ZNF850: variants seen among roughly 807,000 people sequenced by gnomAD.
The protein encoded by ZNF850 is putative zinc finger protein ENSP00000330994.
In ZNF850, 2 loss-of-function variants were observed where a neutral mutation model predicts 11.9. That is an observed-to-expected ratio of 0.17 (90% CI 0.07 to 0.53). ZNF850 has a LOEUF of 0.53. ZNF850 is among the 20% of genes least tolerant of loss of function. The probability of loss-of-function intolerance (pLI) is 0.94; values close to 1 mark genes in which losing one functional copy is unlikely to be tolerated. For missense variants in ZNF850, 1,014 were observed against 1,316.4 expected (o/e 0.77, Z 3.55); for synonymous variants, 381 against 443.0 (o/e 0.86, Z 1.76).
At chr19:36,770,839 A>G (rs756319839) in intron 1 of ZNF850, among the ~76,000 whole-genome samples, 8 of 151,048 alleles carry the variant, frequency 5.3e-5, no homozygotes, top group Non-Finnish European at 8.8e-5. Flanking sequence ...CCGTATGAGT[A>G]TTTAATTCAA....
Position 36,746,555 on chromosome 19 carries a change from G to A in ZNF850, c.*1212C>T, listed in dbSNP as rs2040412497. 6.6e-6 allele frequency: 1 copy of A among 152,006 alleles called. No homozygotes were observed. The highest frequency in any genetic ancestry group is 2.1e-4 in the South Asian group (1 of 4,828). 9.4% of individuals were successfully genotyped at this position (152,006 alleles called of 1,614,324 possible). ...AGTAGAGATGGGGTTTCAACATGTT[G>A]GCCAGGCTGGTCTTGAACTCTTAAC... is the stretch of plus-strand genomic sequence containing the variant. On this transcript the variant is annotated 3_prime_UTR_variant, in exon 5 of 5. Coordinates refer to ENST00000591344, the MANE Select transcript of ZNF850 (RefSeq NM_001193552.2).
rs564632647 is a variant in ZNF850, at chr19:36,748,218, G to A, written c.2822C>T (p.Thr941Ile). The A allele has an allele frequency of 1.3e-6, 2 of 1,552,538 alleles. No individual in the cohort carries two copies. Among genetic ancestry groups the A allele is most frequent in the South Asian group, 1.2e-5 (1 of 84,788 alleles). ...GKAFVRFSGL[T>I]KHHSIHTGEK... is the part of the protein sequence containing the mutation. ...GCCAGTGTGAATACTGTGATGTTTG[G>A]TGAGTCCTGAGAAACGGACAAAGGC... The change falls in exon 5 of 5, where the codon ACC (threonine) becomes ATC (isoleucine). Residue 941 changes from threonine (T) to isoleucine (I), a missense_variant. This residue lies in a region of ZNF850 where 179 missense variants were observed against 294.4 expected (regional missense o/e 0.61). Coordinates refer to ENST00000591344, the MANE Select transcript of ZNF850 (RefSeq NM_001193552.2).
rs73037135 is a variant in ZNF850, at chr19:36,754,563, T to C, written c.236-3759A>G. Among the ~76,000 whole-genome samples the C allele has an allele frequency of 2.6e-3, 402 of 152,218 alleles. 4 individuals are homozygous for C. The highest frequency in any genetic ancestry group is 5.0e-3 in the Non-Finnish European group (342 of 68,002). Reference sequence around the variant, plus strand: ...ATTGTGGGAGATTTCTTTTTTTTAGTTATTTTTTTTGAGATGGAGTCTCAC... The same window carrying C: ...ATTGTGGGAGATTTCTTTTTTTTAGCTATTTTTTTTGAGATGGAGTCTCAC... On this transcript the variant is annotated intron_variant, in intron 4 of 4. Coordinates refer to ENST00000591344, the MANE Select transcript of ZNF850 (RefSeq NM_001193552.2).
rs1245340911 is a variant in ZNF850 at position 36,744,806 on chromosome 19, C to G, written c.*2961G>C. ...TTCCATAAATTGAGACAAACCTCAA[C>G]TGACTACAAATTGAGACAAAAGAAT... On this transcript the variant is annotated 3_prime_UTR_variant, in exon 5 of 5. Transcript: ENST00000591344. The G allele has an allele frequency of 6.6e-6, 1 of 152,114 alleles. No homozygotes were observed. The highest frequency in any genetic ancestry group is 2.1e-4 in the South Asian group (1 of 4,834). 9.4% of individuals were successfully genotyped at this position (152,114 alleles called of 1,614,324 possible).
At chr19:36,768,773 G>A (rs1449434644) in intron 1 of ZNF850, among the ~76,000 whole-genome samples, 2 of 151,510 alleles carry the variant, frequency 1.3e-5, no homozygotes, top group African/African-American at 4.9e-5. Context: ...GACCAGACTG[G>A]GCAACATGGC....
Position 36,763,408 on chromosome 19 carries a change from G to A in ZNF850, c.-69-733C>T, listed in dbSNP as rs1163883015. Among the ~76,000 whole-genome samples the A allele has an allele frequency of 2.0e-5, 3 of 151,978 alleles. No individual in the cohort carries two copies. The East Asian group carries it at 5.9e-4, about 30-fold the overall frequency. Reference sequence around the variant, plus strand: ...AAAAATACAAAATTAGCTGGGGGTGGTGGCGCATGCCTGTAATCCCAGCTA... The same window carrying A: ...AAAAATACAAAATTAGCTGGGGGTGATGGCGCATGCCTGTAATCCCAGCTA... On this transcript the variant is annotated intron_variant, in intron 1 of 4. Transcript: ENST00000591344.
At chr19:36,761,252 C>T (rs2040516235) in intron 4 of ZNF850, among the ~76,000 whole-genome samples, 2 of 151,820 alleles carry the variant, frequency 1.3e-5, no homozygotes, top group Admixed American at 1.3e-4. Context: ...CCAGCCTAGC[C>T]CACATGGTAA....
Position 36,748,139 on chromosome 19 carries a change from G to A in ZNF850, c.2901C>T (p.His967=), listed in dbSNP as rs1465091801. 2.6e-6 allele frequency: 4 copies of A among 1,542,750 alleles called. No homozygotes were observed. In the African/African-American group the frequency reaches 5.7e-5, roughly 22 times the overall value. ...TCGKSFRQRT[H]LTLHQRIHTG... ...TATGAATTCTCTGATGTAGAGTAAGGTGTGTACGCTGTCTGAAGGACTTCC... is the reference window on the plus strand; with the variant it reads ...TATGAATTCTCTGATGTAGAGTAAGATGTGTACGCTGTCTGAAGGACTTCC... Residue 967 remains histidine, a synonymous_variant, in exon 5 of 5, where the codon CAC becomes CAT. Transcript: ENST00000591344.
chr19:36,761,417 C>G (rs754798099), intron 4 of ZNF850, among the ~76,000 whole-genome samples: 1 of 151,724 alleles, frequency 6.6e-6, no homozygotes, highest in Non-Finnish European at 1.5e-5. Flanking sequence ...CCAGCCTGGG[C>G]GACAGAGCGA....
At chr19:36,757,605 C>T (rs2040494619) in intron 4 of ZNF850, among the ~76,000 whole-genome samples, 1 of 146,496 alleles carries the variant, frequency 6.8e-6, no homozygotes, top group Admixed American at 7.0e-5. Flanking sequence ...CTCCTGGGTT[C>T]AAGCGATTCT....
intron 1 of ZNF850, among the ~76,000 whole-genome samples, chr19:36,767,108 G>T (rs187189507): frequency 2.1e-4 from 32 of 152,072 alleles, no homozygotes; most frequent in African/African-American, 7.7e-4. Flanking sequence ...GTGGTGGCAG[G>T]TGCCTGTAAT....
At chr19:36,769,732 A>G (rs1353319545) in intron 1 of ZNF850, among the ~76,000 whole-genome samples, 1 of 152,230 alleles carries the variant, frequency 6.6e-6, no homozygotes, top group Non-Finnish European at 1.5e-5. Context: ...CAAAACCACA[A>G]CAATCAAACC....
rs1345259454 is a variant in ZNF850 at position 36,747,960 on chromosome 19, T to C, written c.3080A>G (p.His1027Arg). 1.3e-6 allele frequency: 2 copies of C among 1,577,618 alleles called. No individual in the cohort carries two copies. ...TTTCTCACCAGTATGGATTCGTTTATGTTGACTAAGTTGTGAAGGACATCT... is the reference window on the plus strand; with the variant it reads ...TTTCTCACCAGTATGGATTCGTTTACGTTGACTAAGTTGTGAAGGACATCT... ...AFRCPSQLSQ[H>R]KRIHTGEKTY... Residue 1027 changes from histidine (H) to arginine (R), a missense_variant, in exon 5 of 5, where the codon CAT becomes CGT. Physicochemically the swap from His to Arg is conservative, Grantham distance 29. Around this residue, in one of 2 missense-constraint regions of ZNF850, gnomAD observed 179 missense variants for 294.4 expected, o/e 0.61. Coordinates refer to ENST00000591344, the MANE Select transcript of ZNF850 (RefSeq NM_001193552.2).
chr19:36,760,533 G>T (rs968299184), intron 4 of ZNF850, among the ~76,000 whole-genome samples: 1 of 151,796 alleles, frequency 6.6e-6, no homozygotes, highest in African/African-American at 2.4e-5. Context: ...AGAAAAGAAG[G>T]CTTTATGATT....
Position 36,747,762 on chromosome 19 carries a change from A to G in ZNF850, c.*5T>C, listed in dbSNP as rs185918595. ...AAATGGCATGAGAACAGTTTCCTAC[A>G]TTAATTATGTTAGGTCATGAATTCT... is the stretch of plus-strand genomic sequence containing the variant. On this transcript the variant is annotated 3_prime_UTR_variant, in exon 5 of 5. Transcript: ENST00000591344. 3 of 1,492,238 alleles carry G rather than the reference A, an allele frequency of 2.0e-6. No individual in the cohort carries two copies. The highest frequency in any genetic ancestry group is 1.4e-5 in the African/African-American group (1 of 71,400). The allele number at this position is 1,492,238 out of a possible 1,614,324, so 92.4% of individuals were successfully genotyped here. A position where few individuals can be genotyped will look rare whatever the true frequency, so the allele number is the denominator to read the frequency against.
chr19:36,767,390 C>T (rs2145969417), intron 1 of ZNF850, among the ~76,000 whole-genome samples: 1 of 152,050 alleles, frequency 6.6e-6, no homozygotes, highest in East Asian at 1.9e-4. Context: ...AACCCTGTCT[C>T]TAGTAAAAAT....
At chr19:36,758,727 G>A (rs1348997076) in intron 4 of ZNF850, among the ~76,000 whole-genome samples, 1 of 152,110 alleles carries the variant, frequency 6.6e-6, no homozygotes, top group African/African-American at 2.4e-5. Context: ...GAACTGAGTT[G>A]GATGAGGCAG....
Position 36,750,757 on chromosome 19 carries a change from T to G in ZNF850, c.283A>C (p.Ile95Leu), listed in dbSNP as rs562023570. The change falls in exon 5 of 5, where the codon ATC (isoleucine) becomes CTC (leucine). Residue 95 changes from isoleucine to leucine, a missense_variant. Ile to Leu is a conservative substitution (Grantham distance 5). Around this residue, in one of 2 missense-constraint regions of ZNF850, gnomAD observed 835 missense variants for 1,022.0 expected, o/e 0.82. Coordinates refer to ENST00000591344, the MANE Select transcript of ZNF850 (RefSeq NM_001193552.2). The part of the protein sequence containing the change: ...KTKDSCLPKE[I>L]YEVTSSQWVR... ...CACTGAGATGATGTTACTTCATAGA[T>G]TTCTTTTGGCAAACATGAATCTTTG... 8.9e-5 allele frequency: 136 copies of G among 1,526,568 alleles called. 1 individual carries two copies. In the South Asian group the frequency reaches 1.5e-3, roughly 17 times the overall value. The allele number at this position is 1,526,568 out of a possible 1,614,324, so 94.6% of individuals were successfully genotyped here.
At position 36,750,621 on chromosome 19, in the gene ZNF850, T is replaced by G; in HGVS notation, c.419A>C (p.Lys140Thr). The G allele has an allele frequency of 6.5e-7, 1 of 1,536,140 alleles. No individual in the cohort carries two copies. The highest frequency in any genetic ancestry group is 8.7e-7 in the Non-Finnish European group (1 of 1,146,920). ...TGTTGTTTCATAAGTCATTATTGCT[T>G]TTTCCAAATATCGCTCCTGATTTAT... ...QDINQERYLE[K>T]AIMTYETTPT... The change falls in exon 5 of 5, where the codon AAA becomes ACA. Residue 140 changes from lysine (K) to threonine (T), a missense_variant. By Grantham distance (78) the Lys-to-Thr change is moderately conservative. Around this residue, in one of 2 missense-constraint regions of ZNF850, gnomAD observed 835 missense variants for 1,022.0 expected, o/e 0.82. Coordinates refer to ENST00000591344, the MANE Select transcript of ZNF850 (RefSeq NM_001193552.2).
Sources: allele counts gnomAD v4.1 joint callset (sites outside exome capture counted in the v4.1 genomes callset), GRCh38; gene constraint gnomAD v4.1.1; regional missense constraint gnomAD v4.1.1; transcripts MANE v1.5; gene names NCBI Gene and HGNC (gene_info 2026-07-23, HGNC 2026-07-21).